Variants in SCFD2 observed in about 807,000 individuals in gnomAD.
SCFD2 encodes sec1 family domain-containing protein 2.
Under a neutral mutation model 58.9 loss-of-function variants are expected in SCFD2, and 54 were observed. That is an observed-to-expected ratio of 0.92 (90% confidence interval 0.74 to 1.15). SCFD2 has a LOEUF of 1.15. SCFD2 is among the 50% of genes most tolerant of loss of function. The pLI is 0.00. For synonymous variants in SCFD2, 321 were observed against 335.9 expected (o/e 0.96, Z 0.49); for missense variants, 805 against 836.6 (o/e 0.96, Z 0.47).
intron 5 of SCFD2, among the ~76,000 whole-genome samples, chr4:53,111,463 T>A (rs1003788525): frequency 6.6e-6 from 1 of 152,202 alleles, no homozygotes; most frequent in Admixed American, 6.6e-5. Flanking sequence ...GTTATATTTA[T>A]CTTCAAGTCG....
At chr4:53,174,293 A>T (rs1331429920) in intron 4 of SCFD2, among the ~76,000 whole-genome samples, 1 of 152,132 alleles carries the variant, frequency 6.6e-6, no homozygotes, top group East Asian at 1.9e-4. Context: ...GAATTTTCTA[A>T]AACTGAAGAA....
At chr4:52,980,130 G>A (rs1177109933) in intron 5 of SCFD2, among the ~76,000 whole-genome samples, 1 of 152,088 alleles carries the variant, frequency 6.6e-6, no homozygotes. Context: ...ATGCAAACAT[G>A]GTAATGGTGT....
At chr4:53,138,661 A>G (rs1726013700) in intron 5 of SCFD2, among the ~76,000 whole-genome samples, 1 of 152,240 alleles carries the variant, frequency 6.6e-6, no homozygotes, top group Non-Finnish European at 1.5e-5. Context: ...AATCTCCTCA[A>G]AAGTATCTAT....
intron 5 of SCFD2, among the ~76,000 whole-genome samples, chr4:53,053,075 A>G (rs138781301): frequency 0.011 from 1,732 of 152,180 alleles, 17 homozygotes; most frequent in Middle Eastern, 0.034. Context: ...AAATACAAAA[A>G]TTAGCCAAGT....
intron 4 of SCFD2, among the ~76,000 whole-genome samples, chr4:53,267,460 A>G (rs1477860300): frequency 6.6e-6 from 1 of 152,218 alleles, no homozygotes; most frequent in East Asian, 1.9e-4. Flanking sequence ...CTAAAACCCT[A>G]ACTTGTAAGG....
intron 4 of SCFD2, among the ~76,000 whole-genome samples, chr4:53,235,159 TC>T (rs1163442009): frequency 6.6e-6 from 1 of 152,182 alleles, no homozygotes; most frequent in African/African-American, 2.4e-5. Context: ...TACATAGGTC[TC>T]ATTTGCCAGA....
At chr4:53,174,952 T>C (rs1727284681) in intron 4 of SCFD2, among the ~76,000 whole-genome samples, 1 of 103,348 alleles carries the variant, frequency 9.7e-6, no homozygotes, top group South Asian at 3.2e-4. Context: ...CTGTTTTGCA[T>C]GTTTGTGACG....
At chr4:52,947,815 A>T (rs1194751110) in intron 5 of SCFD2, among the ~76,000 whole-genome samples, 1 of 151,964 alleles carries the variant, frequency 6.6e-6, no homozygotes, top group African/African-American at 2.4e-5. Flanking sequence ...AAAAAAAAAA[A>T]TTGAAAGATA....
At chr4:53,036,167 G>T (rs13124269) in intron 5 of SCFD2, among the ~76,000 whole-genome samples, 1 of 151,676 alleles carries the variant, frequency 6.6e-6, no homozygotes, top group Non-Finnish European at 1.5e-5. Flanking sequence ...CCATCAACTC[G>T]TCATTTACAT....
At chr4:53,090,702 A>C (rs1179701222) in intron 5 of SCFD2, among the ~76,000 whole-genome samples, 2 of 152,198 alleles carry the variant, frequency 1.3e-5, no homozygotes, top group Non-Finnish European at 2.9e-5. Context: ...CATCTTAGAC[A>C]CTAGGGATGC....
At chr4:53,255,202 T>TTTA (rs1219113156) in intron 4 of SCFD2, among the ~76,000 whole-genome samples, 2 of 148,646 alleles carry the variant, frequency 1.3e-5, no homozygotes, top group Non-Finnish European at 3.0e-5. Context: ...TTCTTTTTTA[T>TTTA]TTATTTATTT....
chr4:53,338,569 A>ATTTTTTTTT (rs1454636023), intron 2 of SCFD2, among the ~76,000 whole-genome samples: 4 of 58,376 alleles, frequency 6.9e-5, no homozygotes, highest in Non-Finnish European at 1.1e-4. Flanking sequence ...AAAGCAGTAT[A>ATTTTTTTTT]TTTTTCTTTT....
In SCFD2 at chr4:53,052,873, G is replaced by C. The variant is rs141745992; in HGVS notation, c.1561+92460C>G. On this transcript the variant is annotated intron_variant, in intron 5 of 8. Coordinates refer to ENST00000401642, the MANE Select transcript of SCFD2 (RefSeq NM_152540.4). ...CTGACAGACAAAATGTGGAATGAAA[G>C]AAGCCAGACACAAAAGAGCACACGC... Among the ~76,000 whole-genome samples, 369 of 152,254 alleles carry C rather than the reference G, an allele frequency of 2.4e-3. 4 individuals carry two copies. In the South Asian group the frequency reaches 0.03, roughly 12 times the overall value.
chr4:53,171,902 T>A (rs1215051804), intron 4 of SCFD2, among the ~76,000 whole-genome samples: 1 of 151,506 alleles, frequency 6.6e-6, no homozygotes, highest in Non-Finnish European at 1.5e-5. Flanking sequence ...TAGCTAGGGG[T>A]TTGTCAATTT....
At chr4:53,352,845 T>A (rs1734272146) in intron 1 of SCFD2, 79 bp from the exon 2 acceptor site, 11 of 1,213,730 alleles carry the variant, frequency 9.1e-6, no homozygotes, top group Non-Finnish European at 1.3e-5. Context: ...ATCACACACC[T>A]TCTATCAAAA....
intron 4 of SCFD2, among the ~76,000 whole-genome samples, chr4:53,219,498 C>G (rs568600988): frequency 6.6e-6 from 1 of 152,270 alleles, no homozygotes; most frequent in East Asian, 1.9e-4. Context: ...CACAGTATTA[C>G]GGTGGGAGTG....
rs549644347 is a variant in SCFD2 at position 53,117,701 on chromosome 4, G to A, written c.1561+27632C>T. Among the ~76,000 whole-genome samples, 22 of 152,266 alleles carry A rather than the reference G, an allele frequency of 1.4e-4. No individual in the cohort carries two copies. In the South Asian group the frequency reaches 4.1e-3, roughly 29 times the overall value. On this transcript the variant is annotated intron_variant, in intron 5 of 8. Coordinates refer to ENST00000401642, the MANE Select transcript of SCFD2 (RefSeq NM_152540.4). The stretch of plus-strand genomic sequence containing the variant: ...CACTAGAGAAGGAACTCATCATGCT[G>A]TAAAGTACAGTAAAGTTCAAGAGCA...
In SCFD2 at chr4:53,340,441, G is replaced by A. The variant is rs139411439; in HGVS notation, c.1007+12157C>T. Among the ~76,000 whole-genome samples, 1,171 of 152,294 alleles carry A rather than the reference G, an allele frequency of 7.7e-3. 11 individuals are homozygous for A. Among genetic ancestry groups the A allele is most frequent in the African/African-American group, 0.027 (1,126 of 41,562 alleles). ...GGTGCCCACCATTGCTGAGGCTTGA[G>A]TAGGTAAACACAGCAGCCTGGAAGC... On this transcript the variant is annotated intron_variant, in intron 2 of 8. Transcript: ENST00000401642.
intron 5 of SCFD2, among the ~76,000 whole-genome samples, chr4:53,026,543 A>G (rs1251173919): frequency 1.3e-5 from 2 of 152,204 alleles, no homozygotes; most frequent in Non-Finnish European, 2.9e-5. Flanking sequence ...AGGATATCAG[A>G]GCCATGTTTG....
Sources: allele counts gnomAD v4.1 joint callset (sites outside exome capture counted in the v4.1 genomes callset), GRCh38; gene constraint gnomAD v4.1.1; transcripts MANE v1.5; gene names NCBI Gene and HGNC (gene_info 2026-07-23, HGNC 2026-07-21).